The following VWA3B variants were observed in gnomAD, a reference collection of about 807,000 sequenced individuals.
The protein encoded by VWA3B is von Willebrand factor A domain-containing protein 3B.
In VWA3B, 138 loss-of-function variants were observed where a neutral mutation model predicts 158.3. The observed-to-expected ratio is 0.87, with a 90% CI of 0.76 to 1.00. The LOEUF (loss-of-function observed/expected upper bound fraction) is 1.00, where lower values mean the gene tolerates loss of function less well. VWA3B is among the 50% of genes least tolerant of loss of function. VWA3B has a pLI of 0.00. For synonymous variants in VWA3B, 596 were observed against 587.3 expected (o/e 1.01, Z -0.21); for missense variants, 1,555 against 1,565.1 (o/e 0.99, Z 0.11).
intron 7 of VWA3B, among the ~76,000 whole-genome samples, chr2:98,142,437 C>A (rs563191987): frequency 4.6e-5 from 7 of 152,144 alleles, no homozygotes; most frequent in Non-Finnish European, 8.8e-5. Context: ...TTCAAAGCTA[C>A]CTGCTTTGTA....
downstream of VWA3B, among the ~76,000 whole-genome samples, chr2:98,317,406 G>A (rs1314381842): frequency 8.5e-5 from 13 of 152,194 alleles, no homozygotes. Flanking sequence ...ACTGGTTCAG[G>A]CCCTGAGGGG....
At chr2:98,109,597 A>G (rs556083066) in intron 2 of VWA3B, among the ~76,000 whole-genome samples, 77 of 152,286 alleles carry the variant, frequency 5.1e-4, no homozygotes, top group Admixed American at 1.2e-3. Context: ...AGTTTTGCTT[A>G]CTGTGTTCGT....
intron 16 of VWA3B, among the ~76,000 whole-genome samples, chr2:98,231,973 A>G (rs1385115292): frequency 6.6e-6 from 1 of 152,134 alleles, no homozygotes; most frequent in Non-Finnish European, 1.5e-5. Flanking sequence ...CTTTTTTAAC[A>G]CTGACTTCAT....
chr2:98,206,555 G>A, intron 12 of VWA3B: 1 of 499,482 alleles, frequency 2.0e-6, no homozygotes, highest in Non-Finnish European at 4.0e-6. Flanking sequence ...AAGTCCTGTT[G>A]GTCCTGAGAC....
At chr2:98,176,252 C>T (rs1454408355) in intron 8 of VWA3B, among the ~76,000 whole-genome samples, 2 of 151,470 alleles carry the variant, frequency 1.3e-5, no homozygotes, top group African/African-American at 4.9e-5. Flanking sequence ...TTCTCCCCTC[C>T]CTTCCTTCCT....
At chr2:98,169,110 A>G (rs979360805) in intron 8 of VWA3B, among the ~76,000 whole-genome samples, 4 of 152,240 alleles carry the variant, frequency 2.6e-5, no homozygotes, top group African/African-American at 9.6e-5. Flanking sequence ...AACAAAAAAG[A>G]TATGTGCAAA....
chr2:98,118,644 G>A (rs62154874), intron 3 of VWA3B, among the ~76,000 whole-genome samples: 20,129 of 152,056 alleles, frequency 0.13, 2,054 homozygotes, highest in Non-Finnish European at 0.19. Context: ...GACAGTGATC[G>A]GGATATAAAC....
intron 19 of VWA3B, among the ~76,000 whole-genome samples, chr2:98,246,629 G>C (rs181057416): frequency 6.6e-6 from 1 of 151,902 alleles, no homozygotes; most frequent in South Asian, 2.1e-4. Context: ...TGATCTGCCC[G>C]CCTCGGCCTC....
intron 7 of VWA3B, among the ~76,000 whole-genome samples, chr2:98,148,876 T>G (rs1677383727): frequency 6.6e-6 from 1 of 152,232 alleles, no homozygotes; most frequent in African/African-American, 2.4e-5. Context: ...TGATTTGTTT[T>G]TCCACCTACC....
chr2:98,145,802 C>T (rs984297201), intron 7 of VWA3B, among the ~76,000 whole-genome samples: 1 of 152,078 alleles, frequency 6.6e-6, no homozygotes, highest in East Asian at 1.9e-4. Context: ...TCACTGCAAC[C>T]TTAAACTCCT....
intron 26 of VWA3B, among the ~76,000 whole-genome samples, chr2:98,310,600 T>C (rs1314435739): frequency 6.6e-6 from 1 of 152,108 alleles, no homozygotes; most frequent in Non-Finnish European, 1.5e-5. Flanking sequence ...TGGAGAGAGG[T>C]AGCAATTTGA....
intron 22 of VWA3B, among the ~76,000 whole-genome samples, chr2:98,283,149 G>T (rs1688980888): frequency 6.6e-6 from 1 of 152,256 alleles, no homozygotes; most frequent in African/African-American, 2.4e-5. Context: ...AAGAGGGCTA[G>T]TTAAATAAAT....
At chr2:98,248,861 TTC>T (rs1686588246) in intron 19 of VWA3B, among the ~76,000 whole-genome samples, 1 of 26,176 alleles carries the variant, frequency 3.8e-5, no homozygotes, top group East Asian at 2.8e-3. Flanking sequence ...CTTTCTTTCT[TTC>T]TTTCTTTCTT....
intron 2 of VWA3B, among the ~76,000 whole-genome samples, chr2:98,098,757 T>G (rs1559530642): frequency 6.6e-6 from 1 of 152,152 alleles, no homozygotes; most frequent in Non-Finnish European, 1.5e-5. Context: ...TTGTTAATTG[T>G]TTTCTAGTTG....
chr2:98,204,471 G>A (rs1193187960), intron 12 of VWA3B, among the ~76,000 whole-genome samples: 1 of 152,188 alleles, frequency 6.6e-6, no homozygotes, highest in Non-Finnish European at 1.5e-5. Context: ...CTGAATGAAG[G>A]TTGCATTTGC....
At chr2:98,141,343 A>G (rs140123893) in intron 7 of VWA3B, among the ~76,000 whole-genome samples, 246 of 152,354 alleles carry the variant, frequency 1.6e-3, no homozygotes, top group African/African-American at 5.6e-3. Flanking sequence ...GCAGGGCACC[A>G]GCATCTGCTC....
intron 8 of VWA3B, among the ~76,000 whole-genome samples, chr2:98,180,271 C>T (rs1041895993): frequency 8.6e-5 from 13 of 151,926 alleles, no homozygotes; most frequent in East Asian, 3.9e-4. Context: ...CTCGGCTCAC[C>T]GCAACCTCCG....
At chr2:98,286,137 C>G (rs1179167371) in intron 22 of VWA3B, among the ~76,000 whole-genome samples, 1 of 151,980 alleles carries the variant, frequency 6.6e-6, no homozygotes, top group South Asian at 2.1e-4. Context: ...AACATGACAC[C>G]TTGCTGAACT....
chr2:98,094,740 T>C lies in VWA3B; in HGVS notation c.196+1452T>C, dbSNP rs1319941175. On this transcript the variant is annotated intron_variant, in intron 2 of 27. Transcript: ENST00000477737. Reference sequence around the variant, plus strand: ...ATCTTTTCCCTTTTTCTTCCAGTAGTTTCATATTTTCAGATCCTACAATTA... The same window carrying C: ...ATCTTTTCCCTTTTTCTTCCAGTAGCTTCATATTTTCAGATCCTACAATTA... Among the ~76,000 whole-genome samples the C allele has an allele frequency of 2.0e-5, 3 of 152,174 alleles. 1 individual carries two copies. In the South Asian group the frequency reaches 6.2e-4, roughly 31 times the overall value.
Sources: allele counts gnomAD v4.1 joint callset (sites outside exome capture counted in the v4.1 genomes callset), GRCh38; gene constraint gnomAD v4.1.1; transcripts MANE v1.5; gene names NCBI Gene and HGNC (gene_info 2026-07-23, HGNC 2026-07-21).